The following ARHGEF28 variants were observed in gnomAD, a reference collection of about 807,000 sequenced individuals.
ARHGEF28 encodes 190 kDa guanine nucleotide exchange factor.
A neutral mutation model predicts 206.6 loss-of-function variants in ARHGEF28; 152 were observed. The observed-to-expected ratio is 0.74, with a 90% CI of 0.64 to 0.84. The LOEUF is 0.84. Ranked by LOEUF, ARHGEF28 falls within the 40% of genes least tolerant of loss-of-function variation. ARHGEF28 has a pLI of 0.00. For missense variants in ARHGEF28, 2,028 were observed against 2,073.2 expected, an observed-to-expected ratio of 0.98 and a Z score of 0.42; for synonymous variants, 763 against 776.4, an observed-to-expected ratio of 0.98 and a Z score of 0.29.
intron 4 of ARHGEF28, among the ~76,000 whole-genome samples, chr5:73,773,160 C>T (rs372243748): frequency 1.4e-4 from 22 of 152,244 alleles, no homozygotes; most frequent in African/African-American, 4.6e-4. Flanking sequence ...AGGACCCCTC[C>T]GCCTGGAAGA....
chr5:73,723,114 C>T (rs1011962156), intron 2 of ARHGEF28, among the ~76,000 whole-genome samples: 1 of 152,176 alleles, frequency 6.6e-6, no homozygotes, highest in African/African-American at 2.4e-5. Flanking sequence ...TTATTCCTGT[C>T]CCTGTTCTAG....
chr5:73,860,168 G>A (rs1759309782), intron 16 of ARHGEF28, among the ~76,000 whole-genome samples: 1 of 151,962 alleles, frequency 6.6e-6, no homozygotes, highest in African/African-American at 2.4e-5. Context: ...TTAGTTCTTG[G>A]GCACTTGTTC....
intron 10 of ARHGEF28, among the ~76,000 whole-genome samples, chr5:73,836,177 G>T (rs1176614805): frequency 2.6e-5 from 4 of 152,036 alleles, no homozygotes; most frequent in Non-Finnish European, 5.9e-5. Context: ...TGGTGGGATT[G>T]CTGGATCATA....
intron 30 of ARHGEF28, 22 bp from the exon 31 acceptor site, chr5:73,901,162 T>C (rs772309610): frequency 1.5e-4 from 244 of 1,604,960 alleles, no homozygotes; most frequent in Non-Finnish European, 1.9e-4. Context: ...TTTTTGTTTC[T>C]GTCTCGATGG....
At chr5:73,638,854 T>G (rs1256044751) in intron 1 of ARHGEF28, among the ~76,000 whole-genome samples, 3 of 152,212 alleles carry the variant, frequency 2.0e-5, no homozygotes, top group Admixed American at 6.5e-5. Context: ...TAACATTTTT[T>G]CCTGCCAGGT....
intron 11 of ARHGEF28, among the ~76,000 whole-genome samples, chr5:73,841,324 C>T (rs1258396134): frequency 6.6e-6 from 1 of 151,998 alleles, no homozygotes; most frequent in Non-Finnish European, 1.5e-5. Context: ...AAAAAAAGCC[C>T]CAAAATACTT....
At chr5:73,868,311 G>A (rs1347182436) in intron 20 of ARHGEF28, 84 bp downstream of exon 20, 15 of 1,415,020 alleles carry the variant, frequency 1.1e-5, no homozygotes, top group Admixed American at 6.0e-5. Flanking sequence ...TAAGATTGAA[G>A]CATTTTTTTT....
At chr5:73,780,640 T>G (rs1231724492) in intron 6 of ARHGEF28, 36 bp from the exon 7 acceptor site, 4 of 1,516,930 alleles carry the variant, frequency 2.6e-6, no homozygotes, top group Non-Finnish European at 3.5e-6. Context: ...TGGTTTTCTG[T>G]GCTTTTTTGT....
chr5:73,736,813 C>T (rs1251759589), intron 2 of ARHGEF28, among the ~76,000 whole-genome samples: 2 of 143,802 alleles, frequency 1.4e-5, no homozygotes, highest in African/African-American at 2.6e-5. Flanking sequence ...TAAACAACGT[C>T]GAATTTTATG....
At chr5:73,904,565 T>C in intron 33 of ARHGEF28, 160 bp downstream of exon 33, 1 of 747,054 alleles carries the variant, frequency 1.3e-6, no homozygotes, top group South Asian at 2.1e-5. Flanking sequence ...TCACATGGTT[T>C]TGTAATCAGA....
chr5:73,652,159 A>G (rs530857031), intron 1 of ARHGEF28, among the ~76,000 whole-genome samples: 1 of 152,342 alleles, frequency 6.6e-6, no homozygotes, highest in South Asian at 2.1e-4. Flanking sequence ...TGGGGTATAT[A>G]AAAGACAATA....
intron 11 of ARHGEF28, among the ~76,000 whole-genome samples, chr5:73,841,360 A>C (rs981249418): frequency 4.6e-5 from 7 of 152,328 alleles, no homozygotes; most frequent in Middle Eastern, 3.4e-3. Flanking sequence ...TATAGAATGC[A>C]AATTAAAAAA....
intron 35 of ARHGEF28, among the ~76,000 whole-genome samples, chr5:73,935,440 A>G: frequency 6.6e-6 from 1 of 152,166 alleles, no homozygotes; most frequent in East Asian, 1.9e-4. Context: ...CTCACTATGG[A>G]AAAAAATTGA....
chr5:73,790,369 A>T (rs1415904693), intron 7 of ARHGEF28, among the ~76,000 whole-genome samples: 1 of 152,184 alleles, frequency 6.6e-6, no homozygotes, highest in Non-Finnish European at 1.5e-5. Flanking sequence ...AATGAAAAAA[A>T]ACCTGTATTT....
At chr5:73,901,121 C>T (rs1278499426) in intron 30 of ARHGEF28, 63 bp from the exon 31 acceptor site, 2 of 1,364,188 alleles carry the variant, frequency 1.5e-6, no homozygotes, top group African/African-American at 1.4e-5. Flanking sequence ...ACAGAAGAAC[C>T]CGGTGGGCTG....
intron 4 of ARHGEF28, among the ~76,000 whole-genome samples, chr5:73,754,208 C>G (rs982335160): frequency 6.6e-5 from 10 of 152,094 alleles, no homozygotes; most frequent in Non-Finnish European, 4.4e-5. Flanking sequence ...ATGCACTGCT[C>G]TGGGTAAAGG....
chr5:73,806,821 A>G (rs1364587973), intron 9 of ARHGEF28, among the ~76,000 whole-genome samples: 1 of 132,402 alleles, frequency 7.6e-6, no homozygotes. Flanking sequence ...TGCCATATAT[A>G]CGATATATCG....
intron 31 of ARHGEF28, chr5:73,903,662 C>T (rs1408998529): frequency 6.5e-6 from 1 of 154,236 alleles, no homozygotes; most frequent in Non-Finnish European, 1.4e-5. Flanking sequence ...CTGGTGATCT[C>T]TGACTGTGGT....
At chr5:73,875,452 T>C (rs1284880422) in intron 22 of ARHGEF28, among the ~76,000 whole-genome samples, 1 of 148,544 alleles carries the variant, frequency 6.7e-6, no homozygotes, top group Non-Finnish European at 1.5e-5. Flanking sequence ...TTTTGGCTTT[T>C]GTTGCCATTG....
Sources: allele counts gnomAD v4.1 joint callset (sites outside exome capture counted in the v4.1 genomes callset), GRCh38; gene constraint gnomAD v4.1.1; transcripts MANE v1.5; gene names NCBI Gene and HGNC (gene_info 2026-07-23, HGNC 2026-07-21).